Variants in SCHIP1 observed in about 807,000 individuals in gnomAD.
SCHIP1 encodes schwannomin interacting protein 1, also known as schwannomin-interacting protein 1.
SCHIP1 carries 8 observed loss-of-function variants against 29.7 expected under a neutral mutation model. The observed-to-expected ratio is 0.27, with a 90% CI of 0.16 to 0.49. SCHIP1 has a LOEUF of 0.49. Among genes scored for constraint, SCHIP1 ranks in the 20% least tolerant of loss-of-function variants. The probability of loss-of-function intolerance (pLI) is 0.99; values close to 1 mark genes in which losing one functional copy is unlikely to be tolerated. For missense variants in SCHIP1, 193 were observed against 294.6 expected (o/e 0.66, Z 2.52); for synonymous variants, 76 against 94.9 (o/e 0.80, Z 1.16).
At chr3:159,549,346 T>C in the SCHIP1 span, among the ~76,000 whole-genome samples, 1 of 152,194 alleles carries the variant, frequency 6.6e-6, no homozygotes, top group African/African-American at 2.4e-5. Context: ...ATTGTTATGG[T>C]CTAAATGTTT....
the SCHIP1 span, among the ~76,000 whole-genome samples, chr3:159,555,057 G>A: frequency 9.2e-3 from 1,403 of 152,162 alleles, 35 homozygotes; most frequent in African/African-American, 0.031. Flanking sequence ...TTAAAAATTG[G>A]CATTTAATCT....
At chr3:159,671,976 A>G in the SCHIP1 span, among the ~76,000 whole-genome samples, 6 of 152,234 alleles carry the variant, frequency 3.9e-5, no homozygotes, top group African/African-American at 1.4e-4. Flanking sequence ...ATGTGTGATC[A>G]TATTAACTAA....
At chr3:159,597,202 A>G in the SCHIP1 span, among the ~76,000 whole-genome samples, 1 of 152,140 alleles carries the variant, frequency 6.6e-6, no homozygotes, top group African/African-American at 2.4e-5. Context: ...TATGGAAACT[A>G]TAAACTAATT....
the SCHIP1 span, among the ~76,000 whole-genome samples, chr3:159,434,902 C>T: frequency 6.6e-6 from 1 of 152,154 alleles, no homozygotes; most frequent in Admixed American, 6.5e-5. Context: ...CTCAACCTCA[C>T]CCTGTCCTCC....
chr3:159,630,971 A>T, the SCHIP1 span, among the ~76,000 whole-genome samples: 3 of 152,298 alleles, frequency 2.0e-5, no homozygotes, highest in South Asian at 4.1e-4. Flanking sequence ...CCCAAAGTTG[A>T]ATTACAAGGA....
At chr3:159,414,297 T>A in the SCHIP1 span, among the ~76,000 whole-genome samples, 1 of 152,154 alleles carries the variant, frequency 6.6e-6, no homozygotes, top group South Asian at 2.1e-4. Flanking sequence ...GTCAACATTA[T>A]GCCATGACTT....
chr3:159,577,504 T>C, the SCHIP1 span, among the ~76,000 whole-genome samples: 1 of 152,206 alleles, frequency 6.6e-6, no homozygotes, highest in African/African-American at 2.4e-5. Flanking sequence ...AAAGTACACC[T>C]GCCTTAGCCT....
chr3:159,869,238 T>TTA (rs1156266122), intron 2 of SCHIP1, among the ~76,000 whole-genome samples: 2 of 152,026 alleles, frequency 1.3e-5, no homozygotes, highest in Non-Finnish European at 2.9e-5. Context: ...GTTCTGAATT[T>TTA]TATAGGTTGA....
the SCHIP1 span, chr3:159,401,464 A>C: frequency 1.7e-6 from 1 of 596,554 alleles, no homozygotes; most frequent in Non-Finnish European, 2.1e-6. Context: ...TGCCTGGCAC[A>C]GGCATAATTT....
At chr3:159,528,152 A>T in the SCHIP1 span, among the ~76,000 whole-genome samples, 2 of 152,242 alleles carry the variant, frequency 1.3e-5, no homozygotes, top group African/African-American at 4.8e-5. Context: ...AATAATGCAA[A>T]GGTTTGTTTA....
the SCHIP1 span, among the ~76,000 whole-genome samples, chr3:159,349,782 C>T: frequency 1.3e-5 from 2 of 152,098 alleles, no homozygotes; most frequent in Non-Finnish European, 2.9e-5. Flanking sequence ...CTCTGAACCT[C>T]ATGTTCCTTA....
the SCHIP1 span, among the ~76,000 whole-genome samples, chr3:159,719,886 T>C: frequency 2.6e-5 from 4 of 152,220 alleles, no homozygotes; most frequent in African/African-American, 9.7e-5. Flanking sequence ...TTACTGGGTA[T>C]ACACCCAAAG....
intron 1 of SCHIP1, among the ~76,000 whole-genome samples, chr3:159,851,899 G>A (rs1021361329): frequency 6.6e-6 from 1 of 152,216 alleles, no homozygotes; most frequent in Non-Finnish European, 1.5e-5. Context: ...GTTCATGAGA[G>A]ACAACTTGTT....
At chr3:159,327,980 A>G in the SCHIP1 span, among the ~76,000 whole-genome samples, 3 of 152,200 alleles carry the variant, frequency 2.0e-5, no homozygotes, top group Non-Finnish European at 4.4e-5. Flanking sequence ...GGTTAGAAGG[A>G]AACCCTGAGC....
At chr3:159,886,672 G>C in intron 3 of SCHIP1, 1 of 224,558 alleles carries the variant, frequency 4.5e-6, no homozygotes, top group Non-Finnish European at 8.9e-6. Flanking sequence ...GGGAGGATCA[G>C]CTGAGCCCAG....
At chr3:159,776,318 C>G in the SCHIP1 span, among the ~76,000 whole-genome samples, 3 of 126,304 alleles carry the variant, frequency 2.4e-5, no homozygotes, top group African/African-American at 9.0e-5. Flanking sequence ...ACAACTACAT[C>G]TTAAGTGTTC....
At chr3:159,664,151 T>C in the SCHIP1 span, among the ~76,000 whole-genome samples, 1 of 152,140 alleles carries the variant, frequency 6.6e-6, no homozygotes. Flanking sequence ...CAGAAAATTG[T>C]AGGAGGAAAG....
the SCHIP1 span, among the ~76,000 whole-genome samples, chr3:159,713,494 G>C: frequency 6.6e-6 from 1 of 152,154 alleles, no homozygotes; most frequent in African/African-American, 2.4e-5. Context: ...TACAAAGGTA[G>C]TAAATTATTG....
the SCHIP1 span, among the ~76,000 whole-genome samples, chr3:159,512,271 G>A: frequency 3.3e-5 from 5 of 152,324 alleles, no homozygotes; most frequent in South Asian, 1.0e-3. Flanking sequence ...CATCGGGGAT[G>A]TGTGAATTGA....
Sources: gnomAD v4.1 joint callset for allele counts (sites outside exome capture counted in the v4.1 genomes callset) on GRCh38, gnomAD v4.1.1 for gene constraint, MANE v1.5 for transcripts, NCBI Gene and HGNC (gene_info 2026-07-23, HGNC 2026-07-21) for gene names.